The following NEO1 variants were observed in gnomAD, a reference collection of about 807,000 sequenced individuals.
NEO1 encodes neogenin.
Under a neutral mutation model 159.7 loss-of-function variants are expected in NEO1, and 63 were observed. That is an observed-to-expected ratio of 0.39 (90% CI 0.32 to 0.49). The LOEUF is 0.49. Among genes scored for constraint, NEO1 ranks in the 20% least tolerant of loss-of-function variants. NEO1 has a pLI of 0.85. For synonymous variants in NEO1, 633 were observed against 662.0 expected, an observed-to-expected ratio of 0.96 and a Z score of 0.67; for missense variants, 1,615 against 1,831.0, an observed-to-expected ratio of 0.88 and a Z score of 2.15.
intron 8 of NEO1, among the ~76,000 whole-genome samples, chr15:73,237,143 C>T: frequency 8.4e-6 from 1 of 119,362 alleles, no homozygotes; most frequent in East Asian, 2.2e-4. Context: ...GTGTCCTCTT[C>T]AGTCACTTCT....
chr15:73,248,277 T>C (rs2039901447), intron 9 of NEO1, among the ~76,000 whole-genome samples: 1 of 152,220 alleles, frequency 6.6e-6, no homozygotes, highest in Non-Finnish European at 1.5e-5. Context: ...TAAACACAGA[T>C]CTGATCATAT....
intron 1 of NEO1, among the ~76,000 whole-genome samples, chr15:73,071,163 G>C (rs1171197215): frequency 1.3e-5 from 2 of 152,082 alleles, no homozygotes; most frequent in Non-Finnish European, 2.9e-5. Context: ...GCCCAGGCTG[G>C]TCTGGAACTC....
intron 7 of NEO1, among the ~76,000 whole-genome samples, chr15:73,219,872 T>G (rs1271667878): frequency 2.0e-5 from 3 of 151,022 alleles, no homozygotes; most frequent in Non-Finnish European, 4.4e-5. Context: ...CTTGACTCTT[T>G]ATCCAATTTG....
At chr15:73,061,273 CG>C (rs1203440048) in intron 1 of NEO1, among the ~76,000 whole-genome samples, 1 of 152,174 alleles carries the variant, frequency 6.6e-6, no homozygotes, top group Non-Finnish European at 1.5e-5. Context: ...TTCCCATAAA[CG>C]GAAGTTACTG....
chr15:73,250,452 G>A lies in NEO1; in HGVS notation c.1894+731G>A, dbSNP rs150741036. Among the ~76,000 whole-genome samples, 1,002 of 152,106 alleles carry A rather than the reference G, an allele frequency of 6.6e-3. 11 individuals carry two copies. The highest frequency in any genetic ancestry group is 0.022 in the South Asian group (104 of 4,814). ...TACGTAAACACACATGCTTTAGAAG[G>A]TAAAGTTTGACTCCCTTAAGAAAAG... On this transcript the variant is annotated intron_variant, in intron 11 of 28. Transcript: ENST00000261908.
rs140803499 is a variant in NEO1, at chr15:73,188,763, C to T, written c.1291+10336C>T. On this transcript the variant is annotated intron_variant, in intron 7 of 28. Transcript: ENST00000261908. ...AGTGAAGAAAGGATACAAACCTAAT[C>T]ACACATTAGCCAACTATTAAAAAGT... Among the ~76,000 whole-genome samples, 132 of 152,240 alleles carry T rather than the reference C, an allele frequency of 8.7e-4. 1 individual carries two copies. The highest frequency in any genetic ancestry group is 1.8e-3 in the Admixed American group (27 of 15,294).
At chr15:73,297,136 G>A (rs2042404574) in intron 26 of NEO1, among the ~76,000 whole-genome samples, 1 of 152,136 alleles carries the variant, frequency 6.6e-6, no homozygotes, top group Non-Finnish European at 1.5e-5. Flanking sequence ...TCCTTATGTG[G>A]TCTCCCCGGG....
intron 3 of NEO1, among the ~76,000 whole-genome samples, chr15:73,124,526 C>T (rs76463123): frequency 6.6e-6 from 1 of 152,126 alleles, no homozygotes. Flanking sequence ...CTCCCTCACT[C>T]GAAGATTGTG....
At chr15:73,250,822 G>A (rs925219344) in intron 11 of NEO1, among the ~76,000 whole-genome samples, 1 of 152,068 alleles carries the variant, frequency 6.6e-6, no homozygotes, top group African/African-American at 2.4e-5. Context: ...CAGCCATAAA[G>A]GACACTATTG....
intron 22 of NEO1, among the ~76,000 whole-genome samples, chr15:73,280,426 A>G (rs940982120): frequency 2.0e-5 from 3 of 152,202 alleles, no homozygotes; most frequent in African/African-American, 4.8e-5. Flanking sequence ...CTCATTCGCA[A>G]GAGGTCAGAT....
chr15:73,053,085 C>T (rs1176248334), intron 1 of NEO1, among the ~76,000 whole-genome samples: 2 of 152,032 alleles, frequency 1.3e-5, no homozygotes, highest in African/African-American at 2.4e-5. Flanking sequence ...CGCCTCTCTC[C>T]CCTCCCCCAG....
intron 5 of NEO1, among the ~76,000 whole-genome samples, chr15:73,160,523 G>C (rs1177385822): frequency 6.6e-6 from 1 of 151,996 alleles, no homozygotes; most frequent in Non-Finnish European, 1.5e-5. Context: ...CTCTCTTCAG[G>C]TGGTAGTCCC....
intron 1 of NEO1, among the ~76,000 whole-genome samples, chr15:73,070,769 A>G (rs968025837): frequency 2.6e-5 from 4 of 152,204 alleles, no homozygotes; most frequent in African/African-American, 4.8e-5. Context: ...AAGTTAAGTG[A>G]ATGTTCTGTC....
chr15:73,170,273 G>A (rs2034865790), intron 5 of NEO1, among the ~76,000 whole-genome samples: 1 of 152,120 alleles, frequency 6.6e-6, no homozygotes, highest in Non-Finnish European at 1.5e-5. Context: ...TATGGGTGTA[G>A]GATAAAGTAA....
chr15:73,090,233 C>T (rs1432723586), intron 1 of NEO1, among the ~76,000 whole-genome samples: 2 of 152,016 alleles, frequency 1.3e-5, no homozygotes, highest in African/African-American at 4.8e-5. Context: ...CTTGCTCTGT[C>T]GCTCAGGTTG....
intron 1 of NEO1, among the ~76,000 whole-genome samples, chr15:73,077,752 G>T (rs185231797): frequency 2.8e-4 from 42 of 152,142 alleles, no homozygotes; most frequent in African/African-American, 1.0e-3. Flanking sequence ...CATATCATAC[G>T]TAAAAATAAT....
At chr15:73,084,928 T>C (rs1416003918) in intron 1 of NEO1, among the ~76,000 whole-genome samples, 1 of 152,034 alleles carries the variant, frequency 6.6e-6, no homozygotes, top group Non-Finnish European at 1.5e-5. Context: ...GTTCTAGGCA[T>C]TGGATGTAAA....
intron 9 of NEO1, 29 bp from the exon 10 acceptor site, chr15:73,249,031 A>G (rs1195418826): frequency 1.2e-6 from 2 of 1,611,794 alleles, no homozygotes; most frequent in African/African-American, 1.3e-5. Flanking sequence ...TTTCATTTAT[A>G]TCTTGCTTTC....
At chr15:73,170,061 G>A (rs990250336) in intron 5 of NEO1, among the ~76,000 whole-genome samples, 8 of 151,940 alleles carry the variant, frequency 5.3e-5, no homozygotes, top group African/African-American at 1.7e-4. Context: ...TGAAACAGGC[G>A]ACTCCAAAGG....
Sources: gnomAD v4.1 joint callset for allele counts (sites outside exome capture counted in the v4.1 genomes callset) on GRCh38, gnomAD v4.1.1 for gene constraint, MANE v1.5 for transcripts, NCBI Gene and HGNC (gene_info 2026-07-23, HGNC 2026-07-21) for gene names.